Variants in JAK1 observed in about 807,000 individuals in gnomAD.
The protein encoded by JAK1 is Janus kinase 1.
Under a neutral mutation model 136.6 loss-of-function variants are expected in JAK1, and 16 were observed. The ratio of observed to expected loss-of-function variants is 0.12; its 90% CI spans 0.08 to 0.18. JAK1 has a LOEUF of 0.18. Ranked by LOEUF, JAK1 falls within the 10% of genes least tolerant of loss-of-function variation. The pLI, the probability that JAK1 is intolerant of heterozygous loss-of-function variation, is 1.00. For synonymous variants in JAK1, 492 were observed against 519.5 expected (o/e 0.95, Z 0.72); for missense variants, 859 against 1,450.1 (o/e 0.59, Z 6.62).
intron 2 of JAK1, among the ~76,000 whole-genome samples, chr1:65,042,796 G>A (rs1418027872): frequency 6.6e-6 from 1 of 152,128 alleles, no homozygotes; most frequent in Non-Finnish European, 1.5e-5. Flanking sequence ...TCTGCTTTTA[G>A]TCCCTATCTG....
intron 6 of JAK1, 111 bp downstream of exon 6, chr1:64,869,200 T>C (rs1345557205): frequency 1.1e-5 from 10 of 913,142 alleles, no homozygotes; most frequent in East Asian, 2.4e-5. Flanking sequence ...CTGGGTTTCA[T>C]AGAGAGCAAA....
intron 1 of JAK1, among the ~76,000 whole-genome samples, chr1:64,937,461 A>G (rs11208550): frequency 0.52 from 79,098 of 152,158 alleles, 24,742 homozygotes; most frequent in Middle Eastern, 0.76. Flanking sequence ...AACGCCGAGC[A>G]TCTTTTACCT....
At position 64,839,737 on chromosome 1, in the gene JAK1, T is replaced by A. The variant is rs368855745; in HGVS notation, c.2708A>T (p.Glu903Val). 6.2e-7 allele frequency: 1 copy of A among 1,614,110 alleles called. No individual in the cohort carries two copies. The highest frequency in any genetic ancestry group is 8.5e-7 in the Non-Finnish European group (1 of 1,180,044). The change falls in exon 20 of 25, where the codon GAG becomes GTG. Residue 903 changes from glutamate to valine, a missense_variant. Glu to Val is a moderately radical substitution (Grantham distance 121). Coordinates refer to ENST00000342505, the MANE Select transcript of JAK1 (RefSeq NM_002227.4). ...CTTCAGAGATTTAACAGCCACCTGC[T>A]CCCCTGTATTGTCCCCTTCGGGGTC... ...RYDPEGDNTGEQVAVKSLKPE... is the reference protein window; with the variant it reads ...RYDPEGDNTGVQVAVKSLKPE...
At chr1:64,947,775 C>T (rs998150243) in intron 1 of JAK1, among the ~76,000 whole-genome samples, 5 of 151,946 alleles carry the variant, frequency 3.3e-5, no homozygotes, top group Admixed American at 6.6e-5. Context: ...AACAGTAGTA[C>T]ACAAGTCCAA....
intron 8 of JAK1, among the ~76,000 whole-genome samples, chr1:64,861,070 T>G (rs886932428): frequency 1.3e-5 from 2 of 151,696 alleles, no homozygotes; most frequent in African/African-American, 4.8e-5. Flanking sequence ...AGAGGAAGCC[T>G]GAATCAAGGT....
intron 4 of JAK1, among the ~76,000 whole-genome samples, chr1:64,874,312 T>A (rs1191045125): frequency 6.6e-6 from 1 of 151,928 alleles, no homozygotes; most frequent in Non-Finnish European, 1.5e-5. Context: ...ATATTGAAAA[T>A]TTTTTTGGAG....
intron 2 of JAK1, among the ~76,000 whole-genome samples, chr1:64,977,940 A>G (rs1392949470): frequency 6.7e-6 from 1 of 148,448 alleles, no homozygotes; most frequent in Non-Finnish European, 1.5e-5. Flanking sequence ...TCCACTTTGT[A>G]GAATTATAAT....
chr1:64,971,493 G>C (rs1001058900), upstream of JAK1, among the ~76,000 whole-genome samples: 1 of 151,794 alleles, frequency 6.6e-6, no homozygotes, highest in Non-Finnish European at 1.5e-5. Flanking sequence ...CTACAGGTGC[G>C]TGCCATCACA....
chr1:64,922,154 A>G (rs6702537), intron 1 of JAK1, among the ~76,000 whole-genome samples: 7,442 of 152,050 alleles, frequency 0.049, 402 homozygotes, highest in East Asian at 0.26. Flanking sequence ...TATGGAAAAA[A>G]AAAACCACAA....
intron 1 of JAK1, among the ~76,000 whole-genome samples, chr1:64,931,086 G>C (rs561689990): frequency 5.3e-5 from 8 of 152,002 alleles, no homozygotes; most frequent in Non-Finnish European, 8.8e-5. Context: ...ACCATGGCAC[G>C]TGTATACCTA....
At chr1:65,014,523 C>G (rs1020189078) in intron 2 of JAK1, among the ~76,000 whole-genome samples, 4 of 151,792 alleles carry the variant, frequency 2.6e-5, no homozygotes, top group African/African-American at 9.7e-5. Flanking sequence ...TAATGAACAT[C>G]AAAGGAAAAA....
intron 2 of JAK1, among the ~76,000 whole-genome samples, chr1:65,028,768 A>G (rs753740528): frequency 1.4e-4 from 22 of 152,214 alleles, no homozygotes; most frequent in Non-Finnish European, 2.5e-4. Flanking sequence ...AATCCTCCCA[A>G]TAGCACTGAG....
chr1:64,965,059 C>T (rs1335973222), intron 1 of JAK1, among the ~76,000 whole-genome samples: 1 of 152,164 alleles, frequency 6.6e-6, no homozygotes, highest in African/African-American at 2.4e-5. Context: ...AATTGCTCAT[C>T]TTAAACAAAA....
intron 1 of JAK1, among the ~76,000 whole-genome samples, chr1:64,965,824 T>C (rs569337628): frequency 1.3e-5 from 2 of 151,966 alleles, no homozygotes; most frequent in South Asian, 2.1e-4. Context: ...CCCAGAAACT[T>C]TCCCTCGCTG....
chr1:64,968,837 C>T (rs2100664083), upstream of JAK1, among the ~76,000 whole-genome samples: 1 of 149,406 alleles, frequency 6.7e-6, no homozygotes, highest in Non-Finnish European at 1.5e-5. Flanking sequence ...GAGACTGAGG[C>T]ACAAGAATCG....
At position 64,842,568 on chromosome 1, in the gene JAK1, G is replaced by A. The variant is rs144281007; in HGVS notation, c.2404-967C>T. ...GTCACTCACACATCCCTGCGTCAGT[G>A]CAGCCTGCAGAAAAGCCATCTAACC... On this transcript the variant is annotated intron_variant, in intron 17 of 24. Coordinates refer to ENST00000342505, the MANE Select transcript of JAK1 (RefSeq NM_002227.4). 1.0e-3 allele frequency among the ~76,000 whole-genome samples: 153 copies of A among 152,280 alleles called. 2 individuals carry two copies. The East Asian group carries it at 0.022, about 22-fold the overall frequency.
At chr1:64,931,817 C>T (rs1645698367) in intron 1 of JAK1, among the ~76,000 whole-genome samples, 1 of 152,014 alleles carries the variant, frequency 6.6e-6, no homozygotes, top group South Asian at 2.1e-4. Flanking sequence ...AGAAATGTAT[C>T]CTAAGAATAC....
In JAK1 at chr1:64,843,781, C is replaced by T. The variant is rs1655054843; in HGVS notation, c.2403+283G>A. On this transcript the variant is annotated intron_variant, in intron 17 of 24. Coordinates refer to ENST00000342505, the MANE Select transcript of JAK1 (RefSeq NM_002227.4). ...AAATCTCAGATAAATAATACTATAA[C>T]ATCTATCGAGCTTGTACTGCATGCC... Among the ~76,000 whole-genome samples the T allele has an allele frequency of 3.9e-5, 6 of 152,176 alleles. No individual in the cohort carries two copies. The South Asian group carries it at 1.2e-3, about 31-fold the overall frequency.
intron 1 of JAK1, among the ~76,000 whole-genome samples, chr1:64,944,395 AC>A (rs1379111941): frequency 6.6e-6 from 1 of 152,092 alleles, no homozygotes; most frequent in Non-Finnish European, 1.5e-5. Flanking sequence ...ATAATATGTC[AC>A]TTTTGGAGAG....
Sources: gnomAD v4.1 joint callset for allele counts (sites outside exome capture counted in the v4.1 genomes callset) on GRCh38, gnomAD v4.1.1 for gene constraint, MANE v1.5 for transcripts, NCBI Gene and HGNC (gene_info 2026-07-23, HGNC 2026-07-21) for gene names.